UBAC2: variants seen among roughly 807,000 people sequenced by gnomAD.
The protein encoded by UBAC2 is UBA domain containing 2, also known as ubiquitin-associated domain-containing protein 2.
A neutral mutation model predicts 44.0 loss-of-function variants in UBAC2; 26 were observed. The ratio of observed to expected loss-of-function variants is 0.59; its 90% CI spans 0.43 to 0.82. UBAC2 has a LOEUF of 0.82. UBAC2 is among the 40% of genes least tolerant of loss of function. The probability of loss-of-function intolerance (pLI) is 0.00; values close to 1 mark genes in which losing one functional copy is unlikely to be tolerated. For missense variants in UBAC2, 329 were observed against 419.4 expected, an observed-to-expected ratio of 0.78 and a Z score of 1.88; for synonymous variants, 155 against 154.3, an observed-to-expected ratio of 1.00 and a Z score of -0.04.
At chr13:99,355,997 C>A in intron 7 of UBAC2, 1 of 386,722 alleles carries the variant, frequency 2.6e-6, no homozygotes, top group Non-Finnish European at 5.6e-6. Flanking sequence ...TTTGCAGCTG[C>A]TGTTGAAACC....
chr13:99,240,855 C>T (rs778701139), intron 2 of UBAC2, among the ~76,000 whole-genome samples: 3 of 152,148 alleles, frequency 2.0e-5, no homozygotes, highest in Non-Finnish European at 2.9e-5. Flanking sequence ...ACATATGTGA[C>T]AGGTTTTGAC....
At chr13:99,311,732 A>T (rs2044413512) in intron 4 of UBAC2, among the ~76,000 whole-genome samples, 1 of 152,202 alleles carries the variant, frequency 6.6e-6, no homozygotes, top group South Asian at 2.1e-4. Context: ...GTTGTTCTAG[A>T]ATAAGGATTA....
chr13:99,306,320 G>C (rs1441124131), intron 4 of UBAC2, among the ~76,000 whole-genome samples: 3 of 152,102 alleles, frequency 2.0e-5, no homozygotes, highest in Non-Finnish European at 4.4e-5. Flanking sequence ...ATAATGAGAG[G>C]CAATGTTGTA....
chr13:99,380,093 T>C (rs1316064677), intron 8 of UBAC2, among the ~76,000 whole-genome samples: 1 of 152,136 alleles, frequency 6.6e-6, no homozygotes, highest in Admixed American at 6.5e-5. Flanking sequence ...ATAAACTACA[T>C]GTTGTGGCCT....
chr13:99,282,226 G>GC (rs1594084554), intron 4 of UBAC2, among the ~76,000 whole-genome samples: 2 of 45,886 alleles, frequency 4.4e-5, no homozygotes, highest in Middle Eastern at 0.023. Flanking sequence ...AATGACACTT[G>GC]GGGGGCAAAA....
In UBAC2 at chr13:99,290,970, G is replaced by A. The variant is rs77053523; in HGVS notation, c.390-23127G>A. Among the ~76,000 whole-genome samples, 1,221 of 152,244 alleles carry A rather than the reference G, an allele frequency of 8.0e-3. 13 individuals are homozygous for A. Among genetic ancestry groups the A allele is most frequent in the African/African-American group, 0.028 (1,146 of 41,526 alleles). Reference sequence around the variant, plus strand: ...GATGTCCAAGGCCCTGGAGGACATAGGACAGGGAGGAATGGAGCTCAGGCT... The same window carrying A: ...GATGTCCAAGGCCCTGGAGGACATAAGACAGGGAGGAATGGAGCTCAGGCT... On this transcript the variant is annotated intron_variant, in intron 4 of 8. Transcript: ENST00000403766.
chr13:99,376,575 T>A (rs892146635), intron 8 of UBAC2, among the ~76,000 whole-genome samples: 1 of 152,210 alleles, frequency 6.6e-6, no homozygotes, highest in African/African-American at 2.4e-5. Flanking sequence ...GGAAGTCAGG[T>A]TTCCTGTTAC....
intron 4 of UBAC2, among the ~76,000 whole-genome samples, chr13:99,272,613 C>T (rs924141979): frequency 2.6e-5 from 4 of 152,164 alleles, no homozygotes; most frequent in African/African-American, 9.7e-5. Context: ...TGCCGTCTTC[C>T]TGACTTGCAG....
intron 4 of UBAC2, among the ~76,000 whole-genome samples, chr13:99,300,797 T>C (rs899763150): frequency 1.3e-5 from 2 of 152,372 alleles, no homozygotes; most frequent in African/African-American, 4.8e-5. Context: ...TAGCAGTATG[T>C]GCTGGGTTCC....
intron 4 of UBAC2, among the ~76,000 whole-genome samples, chr13:99,251,311 A>G (rs2043455479): frequency 6.6e-6 from 1 of 152,164 alleles, no homozygotes; most frequent in African/African-American, 2.4e-5. Context: ...ATAGAATCAT[A>G]TTGTCAGTAA....
In UBAC2 at chr13:99,362,450, G is replaced by C. The variant is rs185731825; in HGVS notation, c.808-5337G>C. Among the ~76,000 whole-genome samples, 1,212 of 152,250 alleles carry C rather than the reference G, an allele frequency of 8.0e-3. 47 individuals are homozygous for C. Among genetic ancestry groups the C allele is most frequent in the Admixed American group, 0.07 (1,067 of 15,288 alleles). On this transcript the variant is annotated intron_variant, in intron 7 of 8. Transcript: ENST00000403766. ...GATCTTGACATGTTGCTCTCCAAAA[G>C]GGTTGTGTCAGTTTATACTCTCATC...
chr13:99,208,785 T>C (rs2042905722), intron 1 of UBAC2, among the ~76,000 whole-genome samples: 1 of 152,238 alleles, frequency 6.6e-6, no homozygotes, highest in Admixed American at 6.5e-5. Flanking sequence ...TGTGGCTCCC[T>C]GAGCCTCGCA....
intron 4 of UBAC2, among the ~76,000 whole-genome samples, chr13:99,299,311 G>A (rs1026368245): frequency 2.0e-5 from 3 of 152,190 alleles, no homozygotes; most frequent in Non-Finnish European, 2.9e-5. Flanking sequence ...GTAGAATACA[G>A]GAATACAGCC....
At chr13:99,296,886 A>G (rs1031438220) in intron 4 of UBAC2, among the ~76,000 whole-genome samples, 1 of 152,204 alleles carries the variant, frequency 6.6e-6, no homozygotes, top group Non-Finnish European at 1.5e-5. Flanking sequence ...AACTCTATCA[A>G]TCTGCAAGTA....
chr13:99,295,996 T>C lies in UBAC2; in HGVS notation c.390-18101T>C. 2 of 1,614,160 alleles carry C rather than the reference T, an allele frequency of 1.2e-6. No homozygotes were observed. The highest frequency in any genetic ancestry group is 1.7e-6 in the Non-Finnish European group (2 of 1,180,026). ...TTTGAACAATGACGACCAAGGCTAG[T>C]AAGTTTCCCACGAGCCCAATGATGA... On this transcript the variant is annotated intron_variant, in intron 4 of 8. Transcript: ENST00000403766. This position sits in a 1 kb window ranked among gnomAD's most constrained non-coding sequence, Gnocchi z 4.1.
Position 99,368,688 on chromosome 13 carries a change from A to T in UBAC2, c.927+782A>T, listed in dbSNP as rs9585042. Among the ~76,000 whole-genome samples the T allele has an allele frequency of 3.1e-3, 460 of 146,706 alleles. 2 individuals are homozygous for T. Among genetic ancestry groups the T allele is most frequent in the African/African-American group, 8.9e-3 (350 of 39,444 alleles). Reference sequence around the variant, plus strand: ...CACTATCATCGTAAACTCATGAGAGAGTGTGTGTGTGTGTGTGTGTGTGTG... The same window carrying T: ...CACTATCATCGTAAACTCATGAGAGTGTGTGTGTGTGTGTGTGTGTGTGTG... On this transcript the variant is annotated intron_variant, in intron 8 of 8. Transcript: ENST00000403766.
chr13:99,348,339 A>G (rs1229370356), intron 7 of UBAC2, among the ~76,000 whole-genome samples: 2 of 152,214 alleles, frequency 1.3e-5, no homozygotes, highest in South Asian at 2.1e-4. Context: ...AAAGAGAAGA[A>G]AAAAGAACCC....
chr13:99,371,268 G>A (rs747938799), intron 8 of UBAC2, among the ~76,000 whole-genome samples: 3 of 151,910 alleles, frequency 2.0e-5, no homozygotes, highest in Non-Finnish European at 2.9e-5. Flanking sequence ...TCCTCGCTCC[G>A]TGTTACGAGA....
intron 1 of UBAC2, among the ~76,000 whole-genome samples, chr13:99,235,565 A>G (rs1488530178): frequency 6.6e-6 from 1 of 152,228 alleles, no homozygotes; most frequent in African/African-American, 2.4e-5. Context: ...ATACTCACAT[A>G]AAAACAGACA....
Sources: gnomAD v4.1 joint callset for allele counts (sites outside exome capture counted in the v4.1 genomes callset) on GRCh38, gnomAD v4.1.1 for gene constraint, Gnocchi (gnomAD v3.1) non-coding constraint, MANE v1.5 for transcripts, NCBI Gene and HGNC (gene_info 2026-07-23, HGNC 2026-07-21) for gene names.